Variants in MAPK4 observed in about 807,000 individuals in gnomAD.
MAPK4 encodes the protein Erk3-related.
MAPK4 carries 22 observed loss-of-function variants against 47.7 expected under a neutral mutation model. That is an observed-to-expected ratio of 0.46 (90% confidence interval 0.33 to 0.66). MAPK4 has a LOEUF of 0.66. Ranked by LOEUF, MAPK4 falls within the 30% of genes least tolerant of loss-of-function variation. The probability of loss-of-function intolerance (pLI) is 0.02; values close to 1 mark genes in which losing one functional copy is unlikely to be tolerated. For missense variants in MAPK4, 736 were observed against 831.7 expected (o/e 0.88, Z 1.42); for synonymous variants, 390 against 365.7 (o/e 1.07, Z -0.76).
chr18:50,569,981 A>G (rs1568030213), intron 1 of MAPK4, among the ~76,000 whole-genome samples: 1 of 152,158 alleles, frequency 6.6e-6, no homozygotes, highest in Non-Finnish European at 1.5e-5. Flanking sequence ...CTATCTTGTT[A>G]GCTTTTTGGT....
chr18:50,562,420 A>T (rs1276186352), intron 1 of MAPK4, among the ~76,000 whole-genome samples: 13 of 286 alleles, frequency 0.045, no homozygotes, highest in South Asian at 0.33. Flanking sequence ...TTGGCCAATA[A>T]AAAAAAAAAA....
chr18:50,680,674 T>A (rs1415020704), intron 2 of MAPK4, among the ~76,000 whole-genome samples: 4 of 152,172 alleles, frequency 2.6e-5, no homozygotes, highest in African/African-American at 9.7e-5. Context: ...ATAAGTAGAG[T>A]CACACAACAT....
intron 5 of MAPK4, among the ~76,000 whole-genome samples, chr18:50,728,947 C>G (rs962192993): frequency 6.6e-6 from 1 of 152,226 alleles, no homozygotes; most frequent in African/African-American, 2.4e-5. Flanking sequence ...GTTTCGAATG[C>G]GTACAAAAGA....
intron 1 of MAPK4, chr18:50,629,804 A>G (rs923293346): frequency 1.3e-5 from 2 of 152,184 alleles, no homozygotes; most frequent in African/African-American, 4.8e-5. Context: ...CATTTAAGAA[A>G]TCACCTGGAG....
intron 4 of MAPK4, among the ~76,000 whole-genome samples, chr18:50,723,663 G>A (rs1911047482): frequency 6.6e-6 from 1 of 152,150 alleles, no homozygotes; most frequent in Non-Finnish European, 1.5e-5. Flanking sequence ...AGGAGTTTCA[G>A]GCCAGCCTGG....
intron 1 of MAPK4, among the ~76,000 whole-genome samples, chr18:50,560,984 A>G (rs1465981800): frequency 2.0e-5 from 3 of 152,258 alleles, no homozygotes; most frequent in African/African-American, 7.2e-5. Flanking sequence ...ACGGAATCGT[A>G]GGTGAAGCCG....
chr18:50,725,937 T>C, intron 4 of MAPK4, 25 bp from the exon 5 acceptor site: 1 of 1,600,834 alleles, frequency 6.2e-7, no homozygotes, highest in Non-Finnish European at 8.6e-7. Flanking sequence ...CAAATGACCT[T>C]CATGTCCGGC....
chr18:50,621,930 T>G (rs1249060457), intron 1 of MAPK4, among the ~76,000 whole-genome samples: 1 of 152,260 alleles, frequency 6.6e-6, no homozygotes, highest in African/African-American at 2.4e-5. Context: ...TTACTACCTG[T>G]GCACTGCACT....
chr18:50,572,995 G>A (rs2042263173), intron 1 of MAPK4, among the ~76,000 whole-genome samples: 1 of 152,156 alleles, frequency 6.6e-6, no homozygotes, highest in Non-Finnish European at 1.5e-5. Flanking sequence ...TGTCTATACA[G>A]GGGACACACT....
intron 1 of MAPK4, among the ~76,000 whole-genome samples, chr18:50,591,959 C>A (rs2042440149): frequency 6.6e-6 from 1 of 152,138 alleles, no homozygotes; most frequent in African/African-American, 2.4e-5. Context: ...TGGTCTCTGA[C>A]TGCTGCAGTG....
chr18:50,578,349 A>G (rs1009629494), intron 1 of MAPK4, among the ~76,000 whole-genome samples: 9 of 152,234 alleles, frequency 5.9e-5, no homozygotes, highest in African/African-American at 2.2e-4. Context: ...CACCTGGAAC[A>G]CTTGTTAAAC....
intron 1 of MAPK4, among the ~76,000 whole-genome samples, chr18:50,626,851 C>T (rs540502297): frequency 1.3e-5 from 2 of 152,292 alleles, no homozygotes; most frequent in Non-Finnish European, 2.9e-5. Context: ...TGCGCTTGCA[C>T]GTGGTGTCAT....
intron 2 of MAPK4, among the ~76,000 whole-genome samples, chr18:50,702,235 T>G (rs1300542122): frequency 6.6e-6 from 1 of 152,062 alleles, no homozygotes; most frequent in Non-Finnish European, 1.5e-5. Context: ...AGTTATCTTT[T>G]TAACTACCTA....
chr18:50,634,908 C>T (rs1049109941), intron 1 of MAPK4, among the ~76,000 whole-genome samples: 2 of 152,180 alleles, frequency 1.3e-5, no homozygotes, highest in Admixed American at 1.3e-4. Flanking sequence ...GGTGCTCAAT[C>T]CTGACTGCAC....
At chr18:50,679,715 G>C (rs1908475571) in intron 2 of MAPK4, among the ~76,000 whole-genome samples, 1 of 152,176 alleles carries the variant, frequency 6.6e-6, no homozygotes. Flanking sequence ...ATGAGAAGAG[G>C]GAGTAATCAT....
rs958306924 is a variant in MAPK4, at chr18:50,729,754, A to T, written c.1664A>T (p.Asp555Val). 29 of 1,609,236 alleles carry T rather than the reference A, an allele frequency of 1.8e-5. No individual in the cohort carries two copies. Among genetic ancestry groups the T allele is most frequent in the Non-Finnish European group, 2.4e-5 (28 of 1,178,824 alleles). The change falls in exon 6 of 6, where the codon GAC becomes GTC. Residue 555 changes from aspartate to valine, a missense_variant. Asp to Val is a radical substitution (Grantham distance 152). Around this residue, in one of 3 missense-constraint regions of MAPK4, gnomAD observed 377 missense variants for 378.6 expected, o/e 1.00. Coordinates refer to ENST00000400384, the MANE Select transcript of MAPK4 (RefSeq NM_002747.4). ...CTGAAGCTCTGCACCAAGCCCGAGG[A>T]CCTGCCGGACAATAAACTGGGCGAC... ...RALKLCTKPEDLPDNKLGDLN... is the reference protein window; with the variant it reads ...RALKLCTKPEVLPDNKLGDLN...
At chr18:50,632,830 G>C (rs1870646548) in intron 1 of MAPK4, among the ~76,000 whole-genome samples, 1 of 152,032 alleles carries the variant, frequency 6.6e-6, no homozygotes, top group African/African-American at 2.4e-5. Flanking sequence ...ATGTTGGCCA[G>C]GCTGGTCTCA....
chr18:50,723,280 G>C (rs573327983), intron 4 of MAPK4, among the ~76,000 whole-genome samples: 44 of 152,322 alleles, frequency 2.9e-4, no homozygotes, highest in African/African-American at 1.0e-3. Context: ...AGAGAGCAGA[G>C]ACTCTTGCAG....
chr18:50,663,813 G>C lies in MAPK4; in HGVS notation c.-146G>C. The C allele has an allele frequency of 1.5e-6, 1 of 656,798 alleles. No individual in the cohort carries two copies. Among genetic ancestry groups the C allele is most frequent in the Non-Finnish European group, 2.6e-6 (1 of 386,060 alleles). 40.7% of individuals were successfully genotyped at this position (656,798 alleles called of 1,614,324 possible). ...TGCCATTCTCGTCTCCAGAGAGCTG[G>C]TGGCAGTGACCTCACTAGGAGAAAA... is the stretch of plus-strand genomic sequence containing the variant. On this transcript the variant is annotated 5_prime_UTR_variant, in exon 2 of 6. Coordinates refer to ENST00000400384, the MANE Select transcript of MAPK4 (RefSeq NM_002747.4).
Sources: gnomAD v4.1 joint callset for allele counts (sites outside exome capture counted in the v4.1 genomes callset) on GRCh38, gnomAD v4.1.1 for gene constraint, gnomAD v4.1.1 regional missense constraint, MANE v1.5 for transcripts, NCBI Gene and HGNC (gene_info 2026-07-23, HGNC 2026-07-21) for gene names.